PCDH11X: variants seen among roughly 807,000 people sequenced by gnomAD.
PCDH11X encodes protocadherin 11 X-linked.
In PCDH11X, 18 loss-of-function variants were observed where a neutral mutation model predicts 53.3. That is an observed-to-expected ratio of 0.34 (90% CI 0.23 to 0.50). The LOEUF is 0.50. Ranked by LOEUF, PCDH11X falls within the 20% of genes least tolerant of loss-of-function variation. PCDH11X has a pLI of 0.98. For synonymous variants in PCDH11X, 279 were observed against 393.3 expected (o/e 0.71, Z 3.44); for missense variants, 570 against 1,032.4 (o/e 0.55, Z 6.14).
At chrX:92,298,632 T>G (rs1274258063) in intron 8 of PCDH11X, among the ~76,000 whole-genome samples, 3 of 111,392 alleles carry the variant, frequency 2.7e-5, no homozygotes, top group East Asian at 5.7e-4. Context: ...CTGCCAGGTT[T>G]TGGTATCAGG....
intron 1 of PCDH11X, among the ~76,000 whole-genome samples, chrX:91,807,795 C>T (rs1310585097): frequency 1.8e-5 from 2 of 110,435 alleles, no homozygotes; most frequent in Non-Finnish European, 1.9e-5. Flanking sequence ...TTATGATAAA[C>T]ATTAATGGGA....
intron 7 of PCDH11X, among the ~76,000 whole-genome samples, chrX:92,227,391 C>T (rs1314858093): frequency 9.0e-6 from 1 of 111,172 alleles, no homozygotes; most frequent in Admixed American, 9.7e-5. Flanking sequence ...AATTTCTTTT[C>T]ATTTTAGAAA....
At chrX:92,568,714 AGGTAGTGTACAACCTGAAG>A (rs1299502956) in intron 10 of PCDH11X, among the ~76,000 whole-genome samples, 1 of 105,937 alleles carries the variant, frequency 9.4e-6, no homozygotes, top group Non-Finnish European at 1.9e-5. Context: ...TGAATTCTAG[AGGTAGTGTACAACCTGAAG>A]TATCACAATT....
At chrX:92,213,284 T>C (rs1364086162) in intron 7 of PCDH11X, among the ~76,000 whole-genome samples, 1 of 111,996 alleles carries the variant, frequency 8.9e-6, no homozygotes, top group East Asian at 2.8e-4. Flanking sequence ...TTTTAATCAT[T>C]AGTAACTTTT....
intron 6 of PCDH11X, among the ~76,000 whole-genome samples, chrX:92,142,855 A>G (rs2065208303): frequency 9.2e-6 from 1 of 109,223 alleles, no homozygotes; most frequent in African/African-American, 3.4e-5. Context: ...GTGTGTATAT[A>G]TATATACACA....
At chrX:91,793,098 T>C (rs1342699695) in intron 1 of PCDH11X, among the ~76,000 whole-genome samples, 1 of 105,470 alleles carries the variant, frequency 9.5e-6, no homozygotes, top group African/African-American at 3.4e-5. Flanking sequence ...CATTGCATTT[T>C]AGGGTACTCT....
At chrX:92,282,722 A>C (rs1176848578) in intron 8 of PCDH11X, among the ~76,000 whole-genome samples, 1 of 111,418 alleles carries the variant, frequency 9.0e-6, no homozygotes, top group Non-Finnish European at 1.9e-5. Flanking sequence ...CCAACAAACA[A>C]ACTTTGACCG....
chrX:92,111,748 TTTCA>T (rs1205056625), intron 6 of PCDH11X, among the ~76,000 whole-genome samples: 1 of 106,595 alleles, frequency 9.4e-6, no homozygotes, highest in Non-Finnish European at 1.9e-5. Context: ...AATTCTCATT[TTTCA>T]TTTATTTATT....
intron 5 of PCDH11X, among the ~76,000 whole-genome samples, chrX:91,845,941 A>G (rs1484834044): frequency 9.0e-6 from 1 of 110,680 alleles, no homozygotes; most frequent in Admixed American, 9.7e-5. Context: ...TTTCTACTCA[A>G]ATATACTAAT....
chrX:92,053,962 C>T (rs1263287128), intron 6 of PCDH11X, among the ~76,000 whole-genome samples: 2 of 111,561 alleles, frequency 1.8e-5, no homozygotes, highest in Non-Finnish European at 3.8e-5. Context: ...GAACTGTTAT[C>T]CCCATTTTTC....
chrX:92,162,392 A>T (rs1259042827), intron 6 of PCDH11X, among the ~76,000 whole-genome samples: 2 of 110,039 alleles, frequency 1.8e-5, no homozygotes, highest in Non-Finnish European at 3.8e-5. Context: ...AGGTTTCACC[A>T]TATTGGCTAG....
At chrX:92,330,137 T>A (rs76570182) in intron 8 of PCDH11X, among the ~76,000 whole-genome samples, 16,942 of 108,353 alleles carry the variant, frequency 0.16, 1,410 homozygotes, top group Non-Finnish European at 0.23. Context: ...ATTAAAAATT[T>A]AAAAAAAAAC....
At position 91,824,442 on chromosome X, in the gene PCDH11X, T is replaced by C. The variant is rs1936826663; in HGVS notation, c.-44-11019T>C. On this transcript the variant is annotated intron_variant, in intron 4 of 10. Transcript: ENST00000682573. The stretch of plus-strand genomic sequence containing the variant: ...CATTCATTTCATCTTCCATCGCTGA[T>C]ACCCTTTCTTCCAGTTGATCGCATC... Among the ~76,000 whole-genome samples the C allele has an allele frequency of 2.7e-5, 3 of 111,302 alleles. No homozygotes were observed. In the South Asian group the frequency reaches 1.2e-3, roughly 43 times the overall value.
chrX:91,918,171 A>G (rs1289772426), intron 6 of PCDH11X, among the ~76,000 whole-genome samples: 2 of 109,704 alleles, frequency 1.8e-5, no homozygotes, highest in African/African-American at 6.6e-5. Flanking sequence ...ATTATCTCAC[A>G]GTTCTGTAAG....
intron 10 of PCDH11X, among the ~76,000 whole-genome samples, chrX:92,491,809 A>G (rs1832456520): frequency 9.0e-6 from 1 of 111,293 alleles, no homozygotes; most frequent in Non-Finnish European, 1.9e-5. Context: ...TAGATATTAA[A>G]TATCATTGAG....
intron 5 of PCDH11X, among the ~76,000 whole-genome samples, chrX:91,843,263 A>ATGTGTGTG (rs3067347): frequency 0.012 from 1,129 of 91,372 alleles, 16 homozygotes; most frequent in African/African-American, 0.043. Flanking sequence ...ATACATACTT[A>ATGTGTGTG]TGTGTGTGTG....
At chrX:92,363,991 A>C (rs2070404386) in intron 8 of PCDH11X, among the ~76,000 whole-genome samples, 1 of 111,323 alleles carries the variant, frequency 9.0e-6, no homozygotes. Context: ...CTGTCTTTGC[A>C]TTTCTTCTCA....
intron 6 of PCDH11X, among the ~76,000 whole-genome samples, chrX:92,089,957 C>A (rs1422870772): frequency 9.5e-6 from 1 of 105,756 alleles, no homozygotes; most frequent in African/African-American, 3.4e-5. Context: ...TGCAATAAAT[C>A]TTTTGCAATG....
chrX:91,829,017 A>C (rs1716555391), intron 4 of PCDH11X, among the ~76,000 whole-genome samples: 1 of 110,247 alleles, frequency 9.1e-6, no homozygotes, highest in African/African-American at 3.4e-5. Flanking sequence ...CCCAACACAA[A>C]AAATAAATTA....
Sources: allele counts gnomAD v4.1 joint callset (sites outside exome capture counted in the v4.1 genomes callset), GRCh38; gene constraint gnomAD v4.1.1; transcripts MANE v1.5; gene names NCBI Gene and HGNC (gene_info 2026-07-23, HGNC 2026-07-21).